The following OPCML variants were observed in gnomAD, a reference collection of about 807,000 sequenced individuals.
OPCML encodes the protein opioid binding protein/cell adhesion molecule like.
In OPCML, 13 loss-of-function variants were observed where a neutral mutation model predicts 37.8. That is an observed-to-expected ratio of 0.34 (90% CI 0.22 to 0.55). OPCML has a LOEUF of 0.55. Among genes scored for constraint, OPCML ranks in the 20% least tolerant of loss-of-function variants. The pLI, the probability that OPCML is intolerant of heterozygous loss-of-function variation, is 0.91. For synonymous variants in OPCML, 176 were observed against 168.8 expected (o/e 1.04, Z -0.33); for missense variants, 341 against 435.6 (o/e 0.78, Z 1.93).
At chr11:132,674,245 G>A (rs765975560) in intron 2 of OPCML, among the ~76,000 whole-genome samples, 9 of 152,180 alleles carry the variant, frequency 5.9e-5, no homozygotes, top group East Asian at 1.9e-4. Flanking sequence ...ACAGCAGAGC[G>A]GTCGAAGCAG....
chr11:132,678,434 A>G lies in OPCML; in HGVS notation c.147-21115T>C, dbSNP rs1463498288. Among the ~76,000 whole-genome samples, 5 of 152,190 alleles carry G rather than the reference A, an allele frequency of 3.3e-5. No individual in the cohort carries two copies. The South Asian group carries it at 6.2e-4, about 19-fold the overall frequency. On this transcript the variant is annotated intron_variant, in intron 2 of 7. Coordinates refer to ENST00000524381, the MANE Select transcript of OPCML (RefSeq NM_001012393.5). Reference sequence around the variant, plus strand: ...GTTGAAAGTTTATGACCATGCAAAGACCTGCACACAGATGTTTACCGCAAC... The same window carrying G: ...GTTGAAAGTTTATGACCATGCAAAGGCCTGCACACAGATGTTTACCGCAAC...
chr11:132,437,410 G>C lies in OPCML; in HGVS notation c.506-51C>G, dbSNP rs926647085. The C allele has an allele frequency of 3.1e-6, 5 of 1,599,622 alleles. No homozygotes were observed. In the African/African-American group the frequency reaches 6.7e-5, roughly 21 times the overall value. On this transcript the variant is annotated intron_variant, in intron 4 of 7. Coordinates refer to ENST00000524381, the MANE Select transcript of OPCML (RefSeq NM_001012393.5). ...ACAATCAGGAAACTGTGTAACCAGG[G>C]ACAGAACCATATTCACATCTAGAGA...
chr11:132,592,501 C>T (rs545725481), intron 3 of OPCML, among the ~76,000 whole-genome samples: 1 of 152,210 alleles, frequency 6.6e-6, no homozygotes, highest in Non-Finnish European at 1.5e-5. Context: ...ACTGTCCAGG[C>T]CCAGGCTTTG....
chr11:132,829,655 C>T (rs1940571114), intron 2 of OPCML, among the ~76,000 whole-genome samples: 1 of 152,192 alleles, frequency 6.6e-6, no homozygotes, highest in Non-Finnish European at 1.5e-5. Flanking sequence ...CATGTCTCAG[C>T]TCCAATGGGA....
chr11:132,511,034 A>G (rs568834595), intron 4 of OPCML, among the ~76,000 whole-genome samples: 2 of 152,194 alleles, frequency 1.3e-5, no homozygotes, highest in Admixed American at 6.5e-5. Flanking sequence ...GAGTAAAACT[A>G]TCTCCTCATA....
At chr11:132,527,921 G>A in intron 4 of OPCML, among the ~76,000 whole-genome samples, 1 of 122,480 alleles carries the variant, frequency 8.2e-6, no homozygotes, top group East Asian at 2.0e-4. Context: ...TGAAGGCAGA[G>A]ATCAGGGTAA....
chr11:132,546,558 T>A (rs1417814393), intron 3 of OPCML, among the ~76,000 whole-genome samples: 1 of 152,198 alleles, frequency 6.6e-6, no homozygotes, highest in African/African-American at 2.4e-5. Flanking sequence ...AAATCATCTT[T>A]CCACATATGT....
chr11:133,462,947 A>T (rs1946889472), intron 1 of OPCML, among the ~76,000 whole-genome samples: 1 of 152,136 alleles, frequency 6.6e-6, no homozygotes. Context: ...TCCGCTGATG[A>T]ATAAGTGGAT....
At chr11:132,818,927 T>TA (rs1460573133) in intron 2 of OPCML, among the ~76,000 whole-genome samples, 1 of 138,076 alleles carries the variant, frequency 7.2e-6, no homozygotes, top group Non-Finnish European at 1.6e-5. Flanking sequence ...TAAAGTATAA[T>TA]AAAAAATAAT....
At chr11:133,340,606 CTCTGTGTGTGTG>C (rs1160844248) in intron 1 of OPCML, among the ~76,000 whole-genome samples, 42 of 109,288 alleles carry the variant, frequency 3.8e-4, no homozygotes, top group African/African-American at 1.5e-3. Context: ...TTAAGACTCT[CTCTGTGTGTGTG>C]TGTGTGTGTG....
In OPCML at chr11:133,189,007, C is replaced by T. The variant is rs201444081; in HGVS notation, c.62-245997G>A. Among the ~76,000 whole-genome samples, 9 of 152,134 alleles carry T rather than the reference C, an allele frequency of 5.9e-5. No individual in the cohort carries two copies. The East Asian group carries it at 1.4e-3, about 23-fold the overall frequency. Reference sequence around the variant, plus strand: ...TGTATATTCAGAACAGAGCCCTTGGCCCTTGTCCCCTGCCACTCCCCACTC... The same window carrying T: ...TGTATATTCAGAACAGAGCCCTTGGTCCTTGTCCCCTGCCACTCCCCACTC... On this transcript the variant is annotated intron_variant, in intron 1 of 7. Transcript: ENST00000524381.
intron 1 of OPCML, chr11:133,298,799 A>C (rs906711217): frequency 3.3e-5 from 5 of 152,200 alleles, no homozygotes; most frequent in Non-Finnish European, 7.3e-5. Context: ...TCTCAAGCTT[A>C]CTTGACATCT....
chr11:132,813,766 C>T (rs1164344098), intron 2 of OPCML, among the ~76,000 whole-genome samples: 1 of 152,100 alleles, frequency 6.6e-6, no homozygotes, highest in Non-Finnish European at 1.5e-5. Context: ...ACCTGTGAAA[C>T]TCCTACCTTA....
chr11:132,966,230 T>C (rs1440220278), intron 1 of OPCML, among the ~76,000 whole-genome samples: 1 of 152,154 alleles, frequency 6.6e-6, no homozygotes. Flanking sequence ...CTATGTTGTG[T>C]CTTTAGTTTC....
chr11:133,201,318 T>TTTTTA (rs1565499979), intron 1 of OPCML, among the ~76,000 whole-genome samples: 1 of 151,670 alleles, frequency 6.6e-6, no homozygotes, highest in African/African-American at 2.4e-5. Context: ...TTTTTTTTTT[T>TTTTTA]ACCATTGAAT....
Position 132,638,163 on chromosome 11 carries a change from C to CTATATATATATATATATATATATATA in OPCML, c.379+18923_379+18924insTATATATATATATATATATATATATA, listed in dbSNP as rs71905540. On this transcript the variant is annotated intron_variant, in intron 3 of 7. Transcript: ENST00000524381. The stretch of plus-strand genomic sequence containing the variant: ...GAAAGCTAAAGAGCATATATACAGA[C>CTATATATATATATATATATATATATA]TATATATATATATATATATATATAC... Among the ~76,000 whole-genome samples the CTATATATATATATATATATATATATA allele has an allele frequency of 5.7e-4, 73 of 128,202 alleles. 1 individual carries two copies. Among genetic ancestry groups the CTATATATATATATATATATATATATA allele is most frequent in the Middle Eastern group, 3.9e-3 (1 of 256 alleles). The allele number at this position is 128,202 out of a possible 152,430, so 84.1% of individuals were successfully genotyped here.
intron 1 of OPCML, among the ~76,000 whole-genome samples, chr11:133,213,836 A>G (rs1939473904): frequency 6.6e-6 from 1 of 152,236 alleles, no homozygotes; most frequent in Non-Finnish European, 1.5e-5. Context: ...AGGATATGAT[A>G]CACTTTTGGT....
chr11:133,077,985 G>C (rs943376559), intron 1 of OPCML, among the ~76,000 whole-genome samples: 1 of 152,150 alleles, frequency 6.6e-6, no homozygotes, highest in Non-Finnish European at 1.5e-5. Flanking sequence ...TATGGAAGCC[G>C]CGATTCTAGG....
intron 2 of OPCML, among the ~76,000 whole-genome samples, chr11:132,692,946 C>CTT (rs1943461391): frequency 2.6e-5 from 4 of 152,298 alleles, no homozygotes; most frequent in Admixed American, 2.6e-4. Flanking sequence ...GAATGGAAAT[C>CTT]ATGCTTTGCA....
Sources: gnomAD v4.1 joint callset for allele counts (sites outside exome capture counted in the v4.1 genomes callset) on GRCh38, gnomAD v4.1.1 for gene constraint, MANE v1.5 for transcripts, NCBI Gene and HGNC (gene_info 2026-07-23, HGNC 2026-07-21) for gene names.